Variants in ATP13A3 observed in about 807,000 individuals in gnomAD.
The protein encoded by ATP13A3 is ATPase 13A3.
A neutral mutation model predicts 158.1 loss-of-function variants in ATP13A3; 59 were observed. The observed-to-expected ratio is 0.37, with a 90% CI of 0.30 to 0.46. The LOEUF is 0.46. Among genes scored for constraint, ATP13A3 ranks in the 20% least tolerant of loss-of-function variants. ATP13A3 has a pLI of 1.00. For synonymous variants in ATP13A3, 491 were observed against 504.3 expected (o/e 0.97, Z 0.35); for missense variants, 1,166 against 1,525.2 (o/e 0.76, Z 3.92).
chr3:194,421,103 G>A (rs895700043), intron 30 of ATP13A3, among the ~76,000 whole-genome samples: 1 of 13,130 alleles, frequency 7.6e-5, no homozygotes, highest in Admixed American at 7.4e-4. Context: ...ATATATACCA[G>A]TGTGTAGGGT....
Position 194,463,903 on chromosome 3 carries a change from T to C in ATP13A3, c.-46-1667A>G, listed in dbSNP as rs143444792. On this transcript the variant is annotated intron_variant, in intron 2 of 33. Coordinates refer to ENST00000645319, the MANE Select transcript of ATP13A3 (RefSeq NM_001367549.1). ...TGCCCAGCGTGGTGGCTCACGCCTG[T>C]AATCCCAGCGCTCTGGGAGGCCAAG... Among the ~76,000 whole-genome samples the C allele has an allele frequency of 1.9e-3, 286 of 152,386 alleles. 1 individual carries two copies. The highest frequency in any genetic ancestry group is 6.4e-3 in the African/African-American group (267 of 41,598).
At chr3:194,438,765 C>T in intron 17 of ATP13A3, 91 bp downstream of exon 17, 1 of 827,550 alleles carries the variant, frequency 1.2e-6, no homozygotes. Context: ...ATAGCAAGAC[C>T]TTGTCTCTAT....
upstream of ATP13A3, among the ~76,000 whole-genome samples, chr3:194,490,921 G>T (rs1055442855): frequency 1.3e-5 from 2 of 152,200 alleles, 1 homozygote; most frequent in South Asian, 4.1e-4. This position sits in a 1 kb window ranked among gnomAD's most constrained non-coding sequence, Gnocchi z 4.4. Flanking sequence ...CGAGGCGGGC[G>T]GATCACCTGA....
intron 21 of ATP13A3, among the ~76,000 whole-genome samples, chr3:194,433,469 T>C (rs1169230534): frequency 6.6e-6 from 1 of 152,008 alleles, no homozygotes; most frequent in Admixed American, 6.6e-5. Context: ...GGTCTCAATC[T>C]CCTGACCTCA....
chr3:194,430,851 A>T, intron 24 of ATP13A3, 92 bp downstream of exon 24: 1 of 871,384 alleles, frequency 1.1e-6, no homozygotes, highest in Non-Finnish European at 1.7e-6. Context: ...ATGAAATATT[A>T]GTATAAGAAA....
Position 194,462,579 on chromosome 3 carries a change from C to A in ATP13A3, c.-46-343G>T, listed in dbSNP as rs112477098. Among the ~76,000 whole-genome samples the A allele has an allele frequency of 3.2e-3, 480 of 152,346 alleles. 3 individuals are homozygous for A. Among genetic ancestry groups the A allele is most frequent in the Admixed American group, 5.2e-3 (80 of 15,306 alleles). ...TCATCCCGAAACCATCCCTCCCCAC[C>A]CGTAACTGTCTTCCATGAAACCAGT... On this transcript the variant is annotated intron_variant, in intron 2 of 33. Coordinates refer to ENST00000645319, the MANE Select transcript of ATP13A3 (RefSeq NM_001367549.1).
intron 21 of ATP13A3, 157 bp from the exon 22 acceptor site, chr3:194,432,049 T>C (rs932656559): frequency 1.4e-5 from 8 of 578,118 alleles, no homozygotes; most frequent in South Asian, 1.3e-4. Flanking sequence ...AATAACAAAA[T>C]TGGAGCATAC....
rs774919602 is a variant in ATP13A3, at chr3:194,430,022, ATTAT to A, written c.2777+46_2777+49del. 1.1e-5 allele frequency: 16 copies of A among 1,449,218 alleles called. No individual in the cohort carries two copies. In the African/African-American group the frequency reaches 2.0e-4, roughly 18 times the overall value. 89.8% of individuals were successfully genotyped at this position (1,449,218 alleles called of 1,614,324 possible). On this transcript the variant is annotated intron_variant, in intron 26 of 33. Coordinates refer to ENST00000645319, the MANE Select transcript of ATP13A3 (RefSeq NM_001367549.1). ...TTTTTATGATAATTTTCTCTTCTGT[ATTAT>A]CAGAGACAGAGAAAAAGGGATGAGA...
intron 3 of ATP13A3, 96 bp from the exon 4 acceptor site, chr3:194,460,927 T>C: frequency 1.6e-6 from 2 of 1,281,686 alleles, no homozygotes; most frequent in Non-Finnish European, 1.1e-6. Context: ...CAGATAGGTA[T>C]TTATTGTCTT....
chr3:194,447,765 T>C, intron 13 of ATP13A3, 87 bp downstream of exon 13: 1 of 1,243,394 alleles, frequency 8.0e-7, no homozygotes, highest in African/African-American at 1.5e-5. Flanking sequence ...TAGTTCCTCA[T>C]TCTCAGTAGC....
chr3:194,427,635 C>CAATAAATAAATAAATA (rs72338242), intron 28 of ATP13A3, among the ~76,000 whole-genome samples: 3 of 137,216 alleles, frequency 2.2e-5, no homozygotes, highest in South Asian at 2.4e-4. Flanking sequence ...CCCATCTCTA[C>CAATAAATAAATAAATA]AATAAATAAA....
At chr3:194,491,071 G>A (rs1378186709), upstream of ATP13A3, among the ~76,000 whole-genome samples, 1 of 152,160 alleles carries the variant, frequency 6.6e-6, no homozygotes, top group Non-Finnish European at 1.5e-5. Flanking sequence ...TTGAACCCAG[G>A]AGGCAGAGGC....
rs777272458 is a variant in ATP13A3 at position 194,494,089 on chromosome 3, C to T, written n.707G>A. On this transcript the variant is annotated non_coding_transcript_exon_variant, in exon 2 of 33. Transcript: ENST00000687055. The surrounding 1 kb of genome is among the most constrained non-coding windows in gnomAD (Gnocchi z 4.2). ...AGGATTCAAACCCAGACACTTTGCT[C>T]CAGGGCCAAACTCTTGACCACTATA... 1.8e-5 allele frequency: 7 copies of T among 398,292 alleles called. No individual in the cohort carries two copies. The highest frequency in any genetic ancestry group is 3.1e-5 in the Non-Finnish European group (7 of 226,034). 24.7% of individuals were successfully genotyped at this position (398,292 alleles called of 1,614,324 possible). A position where few individuals can be genotyped will look rare whatever the true frequency, so the allele number is the denominator to read the frequency against.
chr3:194,440,818 C>T (rs911620209), intron 16 of ATP13A3, among the ~76,000 whole-genome samples: 1 of 152,048 alleles, frequency 6.6e-6, no homozygotes, highest in African/African-American at 2.4e-5. Context: ...ATGATAACAA[C>T]CAGAGAACGT....
chr3:194,418,263 C>CG (rs559895876), intron 31 of ATP13A3, among the ~76,000 whole-genome samples: 131 of 152,002 alleles, frequency 8.6e-4, no homozygotes, highest in African/African-American at 3.1e-3. Context: ...TGGACAAGTC[C>CG]GCCAAACTGA....
At chr3:194,415,154 A>ATCAT (rs1298286928) in intron 31 of ATP13A3, among the ~76,000 whole-genome samples, 1 of 152,240 alleles carries the variant, frequency 6.6e-6, no homozygotes, top group African/African-American at 2.4e-5. Flanking sequence ...AGAAGAGAGT[A>ATCAT]TCTTAAGAAT....
Position 194,494,248 on chromosome 3 carries a change from C to T in ATP13A3, n.548G>A, listed in dbSNP as rs949074193. On this transcript the variant is annotated non_coding_transcript_exon_variant, in exon 2 of 33. Transcript: ENST00000687055. This position sits in a 1 kb window ranked among gnomAD's most constrained non-coding sequence, Gnocchi z 4.2. ...CTCAGCCACATCTGGATCCTCAGCCCCTCACAGCACACAGCGGTAGTCAGA... is the reference window on the plus strand; with the variant it reads ...CTCAGCCACATCTGGATCCTCAGCCTCTCACAGCACACAGCGGTAGTCAGA... The T allele has an allele frequency of 7.5e-6, 3 of 398,504 alleles. No homozygotes were observed. In the Admixed American group the frequency reaches 1.3e-4, roughly 18 times the overall value. 24.7% of individuals were successfully genotyped at this position (398,504 alleles called of 1,614,324 possible). A position where few individuals can be genotyped will look rare whatever the true frequency, so the allele number is the denominator to read the frequency against.
intron 33 of ATP13A3, among the ~76,000 whole-genome samples, chr3:194,410,305 A>AAAAC (rs1715279250): frequency 3.6e-5 from 5 of 137,844 alleles, no homozygotes; most frequent in Non-Finnish European, 6.2e-5. Flanking sequence ...GCAAAAAAAA[A>AAAAC]AAAAAAAAAA....
intron 14 of ATP13A3, among the ~76,000 whole-genome samples, chr3:194,446,480 G>A (rs530946628): frequency 6.6e-6 from 1 of 152,164 alleles, no homozygotes; most frequent in Non-Finnish European, 1.5e-5. Flanking sequence ...GCTGAGATAC[G>A]CTCCCACTAC....
Sources: allele counts gnomAD v4.1 joint callset (sites outside exome capture counted in the v4.1 genomes callset), GRCh38; gene constraint gnomAD v4.1.1; non-coding constraint Gnocchi (gnomAD v3.1); transcripts MANE v1.5; gene names NCBI Gene and HGNC (gene_info 2026-07-23, HGNC 2026-07-21).